Variants in GPR179 observed in about 807,000 individuals in gnomAD.
GPR179 encodes probable G protein-coupled receptor 179.
In GPR179, 52 loss-of-function variants were observed where a neutral mutation model predicts 70.8. That is an observed-to-expected ratio of 0.73 (90% confidence interval 0.59 to 0.93). GPR179 has a LOEUF of 0.93. Ranked by LOEUF, GPR179 falls within the 40% of genes least tolerant of loss-of-function variation. GPR179 has a pLI of 0.00. For missense variants in GPR179, 2,734 were observed against 2,966.8 expected (o/e 0.92, Z 1.82); for synonymous variants, 1,123 against 1,169.0 (o/e 0.96, Z 0.80).
chr17:38,336,013 G>A, intron 5 of GPR179, 63 bp downstream of exon 5: 2 of 1,144,866 alleles, frequency 1.7e-6, no homozygotes, highest in South Asian at 2.4e-5. Flanking sequence ...GGGCTTGGAG[G>A]GTGCCAGGTT....
In GPR179 at chr17:38,329,661, AC is replaced by A. The variant is rs2144260192; in HGVS notation, c.3907del (p.Val1303PhefsTer3). Reference protein sequence around the residue: ...ARGKSEPIDVVPMMRKKPERL... With the variant: ...ARGKSEPIDVXPMMRKKPERL... The stretch of plus-strand genomic sequence containing the variant: ...CTCTGGCTTTTTCCGCATCATGGGA[AC>A]CACATCTATGGGCTCTGATTTTCCC... On this transcript the variant is annotated frameshift_variant, in exon 11 of 11. Coordinates refer to ENST00000616987, the MANE Select transcript of GPR179 (RefSeq NM_001004334.4). LOFTEE classifies it low-confidence loss of function (END_TRUNC). The A allele has an allele frequency of 6.2e-7, 1 of 1,614,012 alleles. No homozygotes were observed.
chr17:38,339,543 C>A lies in GPR179; in HGVS notation c.795-18G>T. On this transcript the variant is annotated intron_variant, in intron 1 of 10. Coordinates refer to ENST00000616987, the MANE Select transcript of GPR179 (RefSeq NM_001004334.4). Reference sequence around the variant, plus strand: ...CCTGCCCCCTACGGCAGTGAATTGGCAATTAGGGGCACAGTGATTGATGCC... The same window carrying A: ...CCTGCCCCCTACGGCAGTGAATTGGAAATTAGGGGCACAGTGATTGATGCC... 1 of 1,557,806 alleles carries A rather than the reference C, an allele frequency of 6.4e-7. No individual in the cohort carries two copies.
At chr17:38,336,657 C>T (rs1350046163) in intron 4 of GPR179, among the ~76,000 whole-genome samples, 1 of 152,220 alleles carries the variant, frequency 6.6e-6, no homozygotes, top group Non-Finnish European at 1.5e-5. Flanking sequence ...TCTCACTGTG[C>T]TGTCATTTTA....
In GPR179 at chr17:38,334,256, T is replaced by C. The variant is rs910307927; in HGVS notation, c.1785-218A>G. Among the ~76,000 whole-genome samples the C allele has an allele frequency of 6.6e-6, 1 of 152,214 alleles. No homozygotes were observed. Among genetic ancestry groups the C allele is most frequent in the African/African-American group, 2.4e-5 (1 of 41,454 alleles). ...CCAGAATACTCCAGCTCACTTTCTTTGGCTGTGTATAGCACAGACCTGTGC... is the reference window on the plus strand; with the variant it reads ...CCAGAATACTCCAGCTCACTTTCTTCGGCTGTGTATAGCACAGACCTGTGC... On this transcript the variant is annotated intron_variant, in intron 8 of 10. Transcript: ENST00000616987. This position sits in a 1 kb window ranked among gnomAD's most constrained non-coding sequence, Gnocchi z 4.7.
Position 38,328,845 on chromosome 17 carries a change from T to G in GPR179, c.4724A>C (p.Gln1575Pro). 1 of 1,613,980 alleles carries G rather than the reference T, an allele frequency of 6.2e-7. No homozygotes were observed. The highest frequency in any genetic ancestry group is 8.5e-7 in the Non-Finnish European group (1 of 1,179,970). Reference protein sequence around the residue: ...GGSRATQVCPQEDLRPEAQEA... With the variant: ...GGSRATQVCPPEDLRPEAQEA... ...CTGTGCCTCCGGCCTGAGATCTTCC[T>G]GTGGACACACCTGCGTTGCTCTGCT... Residue 1575 changes from glutamine to proline, a missense_variant, in exon 11 of 11, where the codon CAG (glutamine) becomes CCG (proline). By Grantham distance (76) the Gln-to-Pro change is moderately conservative. Transcript: ENST00000616987.
In GPR179 at chr17:38,330,151, TACTC is replaced by T. The variant is rs775455243; in HGVS notation, c.3414_3417del (p.Lys1140ArgfsTer43). 1.3e-6 allele frequency: 2 copies of T among 1,589,732 alleles called. No homozygotes were observed. Among genetic ancestry groups the T allele is most frequent in the African/African-American group, 1.3e-5 (1 of 74,282 alleles). On this transcript the variant is annotated frameshift_variant, in exon 11 of 11. Coordinates refer to ENST00000616987, the MANE Select transcript of GPR179 (RefSeq NM_001004334.4). LOFTEE classifies it low-confidence loss of function (END_TRUNC). ...TCGGAGGGGATAAGAGCGGCCTGCT[TACTC>T]ACCGCCTTGGGCCGGCCTAGCCTGG...
chr17:38,342,074 A>G (rs552009153), intron 1 of GPR179, among the ~76,000 whole-genome samples: 250 of 152,086 alleles, frequency 1.6e-3, no homozygotes, highest in African/African-American at 6.0e-3. Context: ...CCGAGGTTGC[A>G]CCACTGCACT....
chr17:38,334,803 T>C lies in GPR179; in HGVS notation c.1685A>G (p.Tyr562Cys). The change falls in exon 8 of 11, where the codon TAC becomes TGC. Residue 562 changes from tyrosine to cysteine, a missense_variant. Tyr to Cys is a radical substitution (Grantham distance 194). Coordinates refer to ENST00000616987, the MANE Select transcript of GPR179 (RefSeq NM_001004334.4). The surrounding 1 kb of genome is among the most constrained non-coding windows in gnomAD (Gnocchi z 4.7). ...GGCCGAGAGCACAGCCCGTGTGGCGTAGCAGAGGAAGCTGCCCCAGCACAG... is the reference window on the plus strand; with the variant it reads ...GGCCGAGAGCACAGCCCGTGTGGCGCAGCAGAGGAAGCTGCCCCAGCACAG... Reference protein sequence around the residue: ...LLLCWGSFLCYATRAVLSAFH... With the variant: ...LLLCWGSFLCCATRAVLSAFH... 6.2e-7 allele frequency: 1 copy of C among 1,613,178 alleles called. No individual in the cohort carries two copies. Among genetic ancestry groups the C allele is most frequent in the Non-Finnish European group, 8.5e-7 (1 of 1,179,958 alleles).
chr17:38,343,220 C>T lies in GPR179; in HGVS notation c.570G>A (p.Gly190=). 3 of 1,614,092 alleles carry T rather than the reference C, an allele frequency of 1.9e-6. No individual in the cohort carries two copies. The highest frequency in any genetic ancestry group is 2.2e-5 in the East Asian group (1 of 44,876). The change falls in exon 1 of 11, where the codon GGG becomes GGA. Residue 190 remains glycine (G), a synonymous_variant. Coordinates refer to ENST00000616987, the MANE Select transcript of GPR179 (RefSeq NM_001004334.4). This position sits in a 1 kb window ranked among gnomAD's most constrained non-coding sequence, Gnocchi z 4.2. ...TCTTCAGGGCAGGGGTGTCCAGGTCCCCAGGAGGGTTCTCCTCCTGCACCC... is the reference window on the plus strand; with the variant it reads ...TCTTCAGGGCAGGGGTGTCCAGGTCTCCAGGAGGGTTCTCCTCCTGCACCC... The part of the protein sequence containing the change: ...GNWVQEENPP[G]DLDTPALKKR...
At position 38,337,661 on chromosome 17, in the gene GPR179, A is replaced by ATAACT; in HGVS notation, c.962_963insAGTTA (p.Gly322ValfsTer13). The ATAACT allele has an allele frequency of 6.2e-7, 1 of 1,602,654 alleles. No individual in the cohort carries two copies. Among genetic ancestry groups the ATAACT allele is most frequent in the Admixed American group, 1.7e-5 (1 of 58,390 alleles). On this transcript the variant is annotated frameshift_variant, in exon 3 of 11. Coordinates refer to ENST00000616987, the MANE Select transcript of GPR179 (RefSeq NM_001004334.4). LOFTEE classifies it high-confidence loss of function. ...CAGAGGGGCTTGCCCCGTAGAATCC[A>ATAACT]GGTCGGCAGCGGCAGAGGTAGCGGC...
chr17:38,330,041 T>C lies in GPR179; in HGVS notation c.3528A>G (p.Gln1176=), dbSNP rs775194702. The change falls in exon 11 of 11, where the codon CAA becomes CAG. Residue 1176 remains glutamine (Q), a synonymous_variant. Coordinates refer to ENST00000616987, the MANE Select transcript of GPR179 (RefSeq NM_001004334.4). ...GGGTCATCCTCCTGCCTCTGTCTTCTTGTTCCCTGCTGCCCTCCCGTTGAC... is the reference window on the plus strand; with the variant it reads ...GGGTCATCCTCCTGCCTCTGTCTTCCTGTTCCCTGCTGCCCTCCCGTTGAC... ...QVCQREGSRE[Q]EDRGRRMTQG... is the part of the protein sequence containing the mutation. The C allele has an allele frequency of 1.2e-6, 2 of 1,614,242 alleles. No individual in the cohort carries two copies. The highest frequency in any genetic ancestry group is 1.7e-6 in the Non-Finnish European group (2 of 1,180,022).
chr17:38,335,314 G>T, intron 6 of GPR179, 43 bp from the exon 7 acceptor site: 1 of 1,453,844 alleles, frequency 6.9e-7, no homozygotes, highest in Non-Finnish European at 9.4e-7. Context: ...AGGGACCTGG[G>T]TGGATCACGA....
In GPR179 at chr17:38,327,821, C is replaced by T; in HGVS notation, c.5748G>A (p.Leu1916=). 6.2e-7 allele frequency: 1 copy of T among 1,614,196 alleles called. No individual in the cohort carries two copies. Among genetic ancestry groups the T allele is most frequent in the Non-Finnish European group, 8.5e-7 (1 of 1,180,048 alleles). ...AGGAACCTGTCTTTGGGTCTTGTCTCAGGTCCCCCTTCTCTGTTGCTTCCA... is the reference window on the plus strand; with the variant it reads ...AGGAACCTGTCTTTGGGTCTTGTCTTAGGTCCCCCTTCTCTGTTGCTTCCA... ...HSLEATEKGD[L]RQDPKTGSFP... Residue 1916 remains leucine (L), a synonymous_variant, in exon 11 of 11, where the codon CTG becomes CTA. Transcript: ENST00000616987.
In GPR179 at chr17:38,327,009, C is replaced by T. The variant is rs1759666194; in HGVS notation, c.6560G>A (p.Gly2187Asp). ...REQEAVCPGE[G>D]TGSGGLLPQS... ...GGGCAAGAGCCCTCCTGAGCCTGTG[C>T]CTTCCCCAGGGCAGACTGCCTCCTG... Residue 2187 changes from glycine (G) to aspartate (D), a missense_variant, in exon 11 of 11, where the codon GGC (glycine) becomes GAC (aspartate). Transcript: ENST00000616987. The T allele has an allele frequency of 1.9e-6, 3 of 1,614,182 alleles. No individual in the cohort carries two copies. Among genetic ancestry groups the T allele is most frequent in the Non-Finnish European group, 1.7e-6 (2 of 1,180,056 alleles).
In GPR179 at chr17:38,328,617, C is replaced by G; in HGVS notation, c.4952G>C (p.Trp1651Ser). ...QIQKQEAVGPWESVDPGSFSP... is the reference protein window; with the variant it reads ...QIQKQEAVGPSESVDPGSFSP... ...GAAGCTGCCAGGGTCCACACTCTCCCAGGGGCCGACCGCTTCTTGCTTTTG... is the reference window on the plus strand; with the variant it reads ...GAAGCTGCCAGGGTCCACACTCTCCGAGGGGCCGACCGCTTCTTGCTTTTG... The change falls in exon 11 of 11, where the codon TGG becomes TCG. Residue 1651 changes from tryptophan to serine, a missense_variant. Physicochemically the swap from Trp to Ser is radical, Grantham distance 177. Transcript: ENST00000616987. 2.5e-6 allele frequency: 4 copies of G among 1,614,214 alleles called. No homozygotes were observed. The highest frequency in any genetic ancestry group is 1.6e-4 in the Middle Eastern group (1 of 6,062).
In GPR179 at chr17:38,333,970, G is replaced by T; in HGVS notation, c.1853C>A (p.Thr618Lys). The T allele has an allele frequency of 6.2e-7, 1 of 1,613,848 alleles. No homozygotes were observed. Among genetic ancestry groups the T allele is most frequent in the Non-Finnish European group, 8.5e-7 (1 of 1,179,870 alleles). Residue 618 changes from threonine to lysine, a missense_variant, in exon 9 of 11, where the codon ACA (threonine) becomes AAA (lysine). Physicochemically the swap from Thr to Lys is moderately conservative, Grantham distance 78. Coordinates refer to ENST00000616987, the MANE Select transcript of GPR179 (RefSeq NM_001004334.4). ...LLLFFFHTHS[T>K]VTTTLALIFI... ...GATCAGAGCCAGCGTGGTGGTGACT[G>T]TGCTGTGGGTGTGGAAGAAGAAGAG...
intron 1 of GPR179, among the ~76,000 whole-genome samples, chr17:38,342,315 C>T (rs72832290): frequency 0.075 from 11,357 of 151,350 alleles, 567 homozygotes; most frequent in South Asian, 0.14. Flanking sequence ...AAGACCTCTG[C>T]CTGTCTATAC....
At position 38,334,099 on chromosome 17, in the gene GPR179, C is replaced by A. The variant is rs2037382932; in HGVS notation, c.1785-61G>T. The A allele has an allele frequency of 8.3e-7, 1 of 1,207,108 alleles. No individual in the cohort carries two copies. Among genetic ancestry groups the A allele is most frequent in the Non-Finnish European group, 1.2e-6 (1 of 810,864 alleles). The allele number at this position is 1,207,108 out of a possible 1,614,324, so 74.8% of individuals were successfully genotyped here. On this transcript the variant is annotated intron_variant, in intron 8 of 10. Coordinates refer to ENST00000616987, the MANE Select transcript of GPR179 (RefSeq NM_001004334.4). This position sits in a 1 kb window ranked among gnomAD's most constrained non-coding sequence, Gnocchi z 4.7. ...GCAGGAGTTGCCTCTTCTGCTTTGC[C>A]TTCTCACTGGCGTTTCACCTCAGCC...
chr17:38,333,510 C>T (rs2037377671), intron 9 of GPR179, 113 bp from the exon 10 acceptor site: 1 of 1,099,108 alleles, frequency 9.1e-7, no homozygotes, highest in South Asian at 1.6e-5. Flanking sequence ...ACCCCCTTCT[C>T]TGACTTGGAA....
Sources: gnomAD v4.1 joint callset for allele counts (sites outside exome capture counted in the v4.1 genomes callset) on GRCh38, gnomAD v4.1.1 for gene constraint, Gnocchi (gnomAD v3.1) non-coding constraint, MANE v1.5 for transcripts, NCBI Gene and HGNC (gene_info 2026-07-23, HGNC 2026-07-21) for gene names.